The following APC variants were observed in gnomAD, a reference collection of about 807,000 sequenced individuals.
The protein encoded by APC is APC regulator of Wnt signaling pathway, also known as adenomatous polyposis coli protein.
A neutral mutation model predicts 247.0 loss-of-function variants in APC; 72 were observed. The ratio of observed to expected loss-of-function variants is 0.29; its 90% CI spans 0.24 to 0.35. The LOEUF (loss-of-function observed/expected upper bound fraction) is 0.35, where lower values mean the gene tolerates loss of function less well. APC is among the 10% of genes least tolerant of loss of function. The probability of loss-of-function intolerance (pLI) is 1.00; values close to 1 mark genes in which losing one functional copy is unlikely to be tolerated. For missense variants in APC, 3,400 were observed against 3,360.7 expected (o/e 1.01, Z -0.29); for synonymous variants, 1,254 against 1,162.5 (o/e 1.08, Z -1.60).
intron 2 of APC, among the ~76,000 whole-genome samples, chr5:112,763,559 T>G (rs1581150207): frequency 6.6e-6 from 1 of 152,288 alleles, no homozygotes; most frequent in East Asian, 1.9e-4. Context: ...AAAAAGACCA[T>G]TAATGTACCA....
intron 15 of APC, among the ~76,000 whole-genome samples, chr5:112,836,540 C>G (rs1393523018): frequency 2.6e-5 from 4 of 152,150 alleles, no homozygotes; most frequent in Admixed American, 1.3e-4. Flanking sequence ...TGTCATTAAT[C>G]TTCAGTTTGC....
intron 13 of APC, among the ~76,000 whole-genome samples, chr5:112,828,296 G>A (rs74587487): frequency 6.6e-6 from 1 of 152,240 alleles, no homozygotes; most frequent in East Asian, 1.9e-4. Flanking sequence ...ACAGGCGTGT[G>A]CCACCACACC....
rs747209080 is a variant in APC at position 112,840,174 on chromosome 5, C to T, written c.4580C>T (p.Pro1527Leu). The T allele has an allele frequency of 1.2e-6, 2 of 1,614,070 alleles. No homozygotes were observed. The highest frequency in any genetic ancestry group is 1.1e-5 in the South Asian group (1 of 91,072). Residue 1527 changes from proline to leucine, a missense_variant, in exon 16 of 16, where the codon CCA becomes CTA. By Grantham distance (98) the Pro-to-Leu change is moderately conservative (BLOSUM62 -3). Transcript: ENST00000257430. The surrounding 1 kb of genome is among the most constrained non-coding windows in gnomAD (Gnocchi z 4.1). ...GATGTGGAATTAAGAATAATGCCTCCAGTTCAGGAAAATGACAATGGGAAT... is the reference window on the plus strand; with the variant it reads ...GATGTGGAATTAAGAATAATGCCTCTAGTTCAGGAAAATGACAATGGGAAT... ...QKDVELRIMP[P>L]VQENDNGNET...
chr5:112,819,902 A>G (rs1426907334), intron 10 of APC, among the ~76,000 whole-genome samples: 3 of 152,096 alleles, frequency 2.0e-5, no homozygotes, highest in Non-Finnish European at 4.4e-5. Flanking sequence ...CCTCACACCT[A>G]GTAAGTGGTA....
Position 112,801,260 on chromosome 5 carries a change from G to T in APC, c.730-19G>T, listed in dbSNP as rs966309914. ...CTACACCATTTTTGCATGTACTGATGTTAACTCCATCTTAACAGAGGTCAT... is the reference window on the plus strand; with the variant it reads ...CTACACCATTTTTGCATGTACTGATTTTAACTCCATCTTAACAGAGGTCAT... On this transcript the variant is annotated intron_variant, in intron 7 of 15. Coordinates refer to ENST00000257430, the MANE Select transcript of APC (RefSeq NM_000038.6). 6.2e-7 allele frequency: 1 copy of T among 1,606,546 alleles called. No individual in the cohort carries two copies. Among genetic ancestry groups the T allele is most frequent in the South Asian group, 1.1e-5 (1 of 90,682 alleles).
At chr5:112,758,475 C>T (rs1581133077) in intron 2 of APC, among the ~76,000 whole-genome samples, 1 of 152,126 alleles carries the variant, frequency 6.6e-6, no homozygotes, top group African/African-American at 2.4e-5. Context: ...TACGGGTGTG[C>T]ACCACCACGC....
chr5:112,824,162 T>C (rs565337788), intron 11 of APC, among the ~76,000 whole-genome samples: 1 of 152,344 alleles, frequency 6.6e-6, no homozygotes, highest in African/African-American at 2.4e-5. Context: ...AGTTTTACCC[T>C]ATTGGGCAAT....
intron 14 of APC, among the ~76,000 whole-genome samples, chr5:112,830,703 G>A (rs968468955): frequency 3.3e-5 from 5 of 152,186 alleles, no homozygotes; most frequent in Admixed American, 1.3e-4. Context: ...ATAGGATTCG[G>A]CTGTGAAAAA....
intron 5 of APC, chr5:112,778,475 A>G (rs1757931133): frequency 6.6e-6 from 1 of 151,908 alleles, no homozygotes; most frequent in South Asian, 2.1e-4. Context: ...TTTAAAAAAA[A>G]AAAAAAAGAA....
In APC at chr5:112,829,009, T is replaced by TCATG. The variant is rs1270902199; in HGVS notation, c.1743+38_1743+41dup. ...AACATTTAGTACTATAATATGAATTTCATGTTTGGCTTTTTTTTGCTGCCT... is the reference window on the plus strand; with the variant it reads ...AACATTTAGTACTATAATATGAATTTCATGCATGTTTGGCTTTTTTTTGCTGCCT... On this transcript the variant is annotated intron_variant, in intron 14 of 15. Coordinates refer to ENST00000257430, the MANE Select transcript of APC (RefSeq NM_000038.6). 4.1e-6 allele frequency: 6 copies of TCATG among 1,476,888 alleles called. No individual in the cohort carries two copies. In the African/African-American group the frequency reaches 4.2e-5, roughly 10 times the overall value. 91.5% of individuals were successfully genotyped at this position (1,476,888 alleles called of 1,614,324 possible). A position where few individuals can be genotyped will look rare whatever the true frequency, so the allele number is the denominator to read the frequency against.
upstream of APC, among the ~76,000 whole-genome samples, chr5:112,734,796 T>G (rs1029447230): frequency 4.1e-5 from 6 of 146,276 alleles, no homozygotes; most frequent in African/African-American, 1.5e-4. Flanking sequence ...TGTGTGTGTT[T>G]TTTTTTTTTT....
chr5:112,757,348 G>A (rs1027313692), intron 2 of APC, among the ~76,000 whole-genome samples: 2 of 152,060 alleles, frequency 1.3e-5, no homozygotes, highest in Non-Finnish European at 2.9e-5. Flanking sequence ...CCACACAATG[G>A]TTATTTCTCC....
At chr5:112,779,316 G>A (rs989039214) in intron 5 of APC, among the ~76,000 whole-genome samples, 1 of 152,162 alleles carries the variant, frequency 6.6e-6, no homozygotes, top group Non-Finnish European at 1.5e-5. Flanking sequence ...GAATCCCACT[G>A]TCTACATGAA....
At chr5:112,712,579 C>T (rs537991186) in intron 1 of APC, among the ~76,000 whole-genome samples, 21 of 146,948 alleles carry the variant, frequency 1.4e-4, no homozygotes, top group South Asian at 6.5e-4. Flanking sequence ...TTTTTTTAAG[C>T]GACCGGGGCT....
intron 8 of APC, among the ~76,000 whole-genome samples, chr5:112,811,228 C>T (rs759674203): frequency 1.3e-5 from 2 of 152,166 alleles, no homozygotes; most frequent in East Asian, 1.9e-4. Context: ...AATGATACAG[C>T]GAGTGCTTCT....
At chr5:112,728,324 G>T (rs933636643) in intron 1 of APC, among the ~76,000 whole-genome samples, 2 of 152,062 alleles carry the variant, frequency 1.3e-5, no homozygotes, top group Non-Finnish European at 2.9e-5. Context: ...TAGAGACGGG[G>T]TTTCACCATG....
intron 7 of APC, among the ~76,000 whole-genome samples, chr5:112,795,901 A>G (rs1350986856): frequency 6.6e-6 from 1 of 152,204 alleles, no homozygotes; most frequent in Non-Finnish European, 1.5e-5. Context: ...AGATGAAGGG[A>G]CATCCTGAGA....
chr5:112,829,002 A>G (rs1356109009), intron 14 of APC, 30 bp downstream of exon 14: 1 of 1,496,050 alleles, frequency 6.7e-7, no homozygotes, highest in African/African-American at 1.4e-5. Context: ...GTACTATAAT[A>G]TGAATTTCAT....
In APC at chr5:112,815,515, C is replaced by T. The variant is rs1060504896; in HGVS notation, c.855C>T (p.Asp285=). The T allele has an allele frequency of 6.2e-7, 1 of 1,611,894 alleles. No individual in the cohort carries two copies. The highest frequency in any genetic ancestry group is 2.2e-5 in the East Asian group (1 of 44,776). Reference sequence around the variant, plus strand: ...TTTAGGGTTCAACTACACGAATGGACCATGAAACAGCCAGTGTTTTGAGTT... The same window carrying T: ...TTTAGGGTTCAACTACACGAATGGATCATGAAACAGCCAGTGTTTTGAGTT... The part of the protein sequence containing the change: ...GNGQGSTTRM[D]HETASVLSSS... The change falls in exon 9 of 16, where the codon GAC becomes GAT. Residue 285 remains aspartate, a synonymous_variant. Transcript: ENST00000257430.
Sources: allele counts gnomAD v4.1 joint callset (sites outside exome capture counted in the v4.1 genomes callset), GRCh38; gene constraint gnomAD v4.1.1; non-coding constraint Gnocchi (gnomAD v3.1); transcripts MANE v1.5; gene names NCBI Gene and HGNC (gene_info 2026-07-23, HGNC 2026-07-21).